Variants in ANHX observed in about 807,000 individuals in gnomAD.
The protein encoded by ANHX is anomalous homeobox, also known as anomalous homeobox protein.
ANHX carries 20 observed loss-of-function variants against 38.9 expected under a neutral mutation model. That is an observed-to-expected ratio of 0.51 (90% CI 0.36 to 0.75). The LOEUF is 0.75. Ranked by LOEUF, ANHX falls within the 30% of genes least tolerant of loss-of-function variation. ANHX has a pLI of 0.00. For missense variants in ANHX, 475 were observed against 493.1 expected (o/e 0.96, Z 0.35); for synonymous variants, 185 against 203.1 (o/e 0.91, Z 0.76).
In ANHX at chr12:133,226,630, G is replaced by A. The variant is rs533920238; in HGVS notation, c.719-192C>T. Among the ~76,000 whole-genome samples, 18 of 152,278 alleles carry A rather than the reference G, an allele frequency of 1.2e-4. No homozygotes were observed. In the South Asian group the frequency reaches 2.5e-3, roughly 21 times the overall value. Reference sequence around the variant, plus strand: ...GCCAACCCAGGACACCCCAAATCCCGGTGCTTGGTTCACTTCTCAAATTGA... The same window carrying A: ...GCCAACCCAGGACACCCCAAATCCCAGTGCTTGGTTCACTTCTCAAATTGA... On this transcript the variant is annotated intron_variant, in intron 5 of 9. Transcript: ENST00000545940.
intron 5 of ANHX, 44 bp from the exon 6 acceptor site, chr12:133,226,482 T>C (rs755513860): frequency 6.6e-7 from 1 of 1,505,664 alleles, no homozygotes; most frequent in Non-Finnish European, 8.9e-7. Flanking sequence ...GAGGCTCTGG[T>C]TCCCAACCTC....
chr12:133,218,925 G>C lies in ANHX; in HGVS notation c.1412C>G (p.Ala471Gly). 6.5e-7 allele frequency: 1 copy of C among 1,533,612 alleles called. No homozygotes were observed. The highest frequency in any genetic ancestry group is 2.5e-5 in the East Asian group (1 of 40,814). The change falls in exon 10 of 10, where the codon GCC becomes GGC. Residue 471 changes from alanine to glycine, a missense_variant. Transcript: ENST00000545940. Reference protein sequence around the residue: ...SQASGDAFWGARMLLEFSGSS... With the variant: ...SQASGDAFWGGRMLLEFSGSS... ...CCCTGAAAACTCAAGGAGCATCCTG[G>C]CTCCCCAGAAGGCATCACCAGAGGC...
intron 8 of ANHX, among the ~76,000 whole-genome samples, chr12:133,220,160 G>A (rs1486279286): frequency 6.6e-6 from 1 of 152,068 alleles, no homozygotes; most frequent in African/African-American, 2.4e-5. Context: ...GTGTGGATGT[G>A]AAAGTCACAC....
chr12:133,221,415 C>T lies in ANHX; in HGVS notation c.1133-63G>A, dbSNP rs1253260249. The T allele has an allele frequency of 1.8e-5, 27 of 1,476,138 alleles. No homozygotes were observed. The highest frequency in any genetic ancestry group is 2.4e-5 in the Non-Finnish European group (27 of 1,114,046). The allele number at this position is 1,476,138 out of a possible 1,614,324, so 91.4% of individuals were successfully genotyped here. On this transcript the variant is annotated intron_variant, in intron 7 of 9. Transcript: ENST00000545940. This position sits in a 1 kb window ranked among gnomAD's most constrained non-coding sequence, Gnocchi z 4.1. ...AAAGGAGCAGAGCCCACGTGTGACA[C>T]AACCAAGACCTCAAAGCACGGAGGC...
intron 1 of ANHX, chr12:133,235,360 T>C (rs1467342714): frequency 2.0e-5 from 3 of 152,190 alleles, no homozygotes; most frequent in African/African-American, 7.2e-5. Context: ...GTGGGGTACC[T>C]TGGCCTGTCC....
intron 7 of ANHX, among the ~76,000 whole-genome samples, chr12:133,224,772 T>C (rs1461174643): frequency 6.6e-6 from 1 of 150,752 alleles, no homozygotes; most frequent in East Asian, 1.9e-4. Flanking sequence ...AAGACCATCC[T>C]GGCTAACAGG....
chr12:133,219,205 C>T lies in ANHX; in HGVS notation c.1365+78G>A, dbSNP rs1453592722. Reference sequence around the variant, plus strand: ...GGTGTATTCACTCCAGTGGCACTAGCTGAACCCTCCTCAGCACCATGAGCT... The same window carrying T: ...GGTGTATTCACTCCAGTGGCACTAGTTGAACCCTCCTCAGCACCATGAGCT... On this transcript the variant is annotated intron_variant, in intron 9 of 9. Coordinates refer to ENST00000545940, the MANE Select transcript of ANHX (RefSeq NM_001372060.1). 2.2e-5 allele frequency: 30 copies of T among 1,333,472 alleles called. No homozygotes were observed. The East Asian group carries it at 2.8e-4, about 12-fold the overall frequency. The allele number at this position is 1,333,472 out of a possible 1,614,324, so 82.6% of individuals were successfully genotyped here.
At chr12:133,232,475 C>T (rs1214812359) in intron 2 of ANHX, among the ~76,000 whole-genome samples, 2 of 152,172 alleles carry the variant, frequency 1.3e-5, no homozygotes, top group African/African-American at 2.4e-5. Flanking sequence ...CCCCTCAGAG[C>T]CGACGGCTCT....
Position 133,221,228 on chromosome 12 carries a change from A to T in ANHX, c.1257T>A (p.Ala419=). ...SFLVTQPPLQ[A]PEFILTQSPP... Reference sequence around the variant, plus strand: ...ACCTCTGGGTGAGGATGAATTCAGGAGCTTGCAGTGGGGGCTGTGTCACCA... The same window carrying T: ...ACCTCTGGGTGAGGATGAATTCAGGTGCTTGCAGTGGGGGCTGTGTCACCA... Residue 419 remains alanine (A), a synonymous_variant, in exon 8 of 10, where the codon GCT becomes GCA. Transcript: ENST00000545940. The surrounding 1 kb of genome is among the most constrained non-coding windows in gnomAD (Gnocchi z 4.1). 1 of 1,535,952 alleles carries T rather than the reference A, an allele frequency of 6.5e-7. No individual in the cohort carries two copies. Among genetic ancestry groups the T allele is most frequent in the Non-Finnish European group, 8.7e-7 (1 of 1,146,882 alleles).
At chr12:133,229,674 C>T (rs1429259569) in intron 3 of ANHX, among the ~76,000 whole-genome samples, 1 of 152,192 alleles carries the variant, frequency 6.6e-6, no homozygotes, top group East Asian at 1.9e-4. Context: ...CTCCTGATCC[C>T]TGTATCTGCA....
At position 133,218,971 on chromosome 12, in the gene ANHX, C is replaced by A; in HGVS notation, c.1366G>T (p.Val456Leu). The A allele has an allele frequency of 6.5e-7, 1 of 1,533,376 alleles. No homozygotes were observed. The highest frequency in any genetic ancestry group is 8.7e-7 in the Non-Finnish European group (1 of 1,145,028). 95.0% of individuals were successfully genotyped at this position (1,533,376 alleles called of 1,614,324 possible). ...ELSQALPSSQ[V>L]QCSDSQASGD... The stretch of plus-strand genomic sequence containing the variant: ...GAGGCCTGGCTATCAGAACACTGCA[C>A]CTGGAAGACAACACAGTGGTAAACA... Residue 456 changes from valine (V) to leucine (L), a missense_variant and splice_region_variant, in exon 10 of 10, where the codon GTG (valine) becomes TTG (leucine). Coordinates refer to ENST00000545940, the MANE Select transcript of ANHX (RefSeq NM_001372060.1).
chr12:133,219,910 CAGAGAG>C (rs200992730), intron 8 of ANHX, among the ~76,000 whole-genome samples: 1 of 152,184 alleles, frequency 6.6e-6, no homozygotes, highest in Non-Finnish European at 1.5e-5. Flanking sequence ...CGTGGCTCCC[CAGAGAG>C]AGAAAGAACT....
chr12:133,218,986 A>T lies in ANHX; in HGVS notation c.1366-15T>A. ...GAACACTGCACCTGGAAGACAACACAGTGGTAAACACAGAGGCTTCCTTTC... is the reference window on the plus strand; with the variant it reads ...GAACACTGCACCTGGAAGACAACACTGTGGTAAACACAGAGGCTTCCTTTC... On this transcript the variant is annotated splice_polypyrimidine_tract_variant and intron_variant, in intron 9 of 9. Coordinates refer to ENST00000545940, the MANE Select transcript of ANHX (RefSeq NM_001372060.1). 6.5e-7 allele frequency: 1 copy of T among 1,528,362 alleles called. No individual in the cohort carries two copies. Among genetic ancestry groups the T allele is most frequent in the Non-Finnish European group, 8.8e-7 (1 of 1,141,240 alleles). The allele number at this position is 1,528,362 out of a possible 1,614,324, so 94.7% of individuals were successfully genotyped here. A position where few individuals can be genotyped will look rare whatever the true frequency, so the allele number is the denominator to read the frequency against.
In ANHX at chr12:133,227,921, G is replaced by A. The variant is rs1366018985; in HGVS notation, c.404C>T (p.Pro135Leu). ...GAAGTTCCGGCTCTTCAGCCCCTCT[G>A]GGCAGAGGGAGGGGGGCGGGGGGTT... ...KRNPPPPSLC[P>L]EGLKSRNFPR... Residue 135 changes from proline to leucine, a missense_variant, in exon 4 of 10, where the codon CCA becomes CTA. Coordinates refer to ENST00000545940, the MANE Select transcript of ANHX (RefSeq NM_001372060.1). 9.6e-7 allele frequency: 1 copy of A among 1,036,532 alleles called. No individual in the cohort carries two copies. The highest frequency in any genetic ancestry group is 1.3e-6 in the Non-Finnish European group (1 of 750,662). 64.2% of individuals were successfully genotyped at this position (1,036,532 alleles called of 1,614,324 possible).
At chr12:133,226,259 T>C in intron 6 of ANHX, 59 bp downstream of exon 6, 2 of 1,535,704 alleles carry the variant, frequency 1.3e-6, no homozygotes, top group Non-Finnish European at 8.7e-7. Context: ...AGTCTCCACC[T>C]GAGGAGGAAA....
In ANHX at chr12:133,226,767, T is replaced by A. The variant is rs370844689; in HGVS notation, c.718+169A>T. On this transcript the variant is annotated intron_variant, in intron 5 of 9. Transcript: ENST00000545940. Reference sequence around the variant, plus strand: ...GGGCAGCCACAGCCCAGCCTGGGCATCTTGAGCCTCAGACCTCGGACCCTG... The same window carrying A: ...GGGCAGCCACAGCCCAGCCTGGGCAACTTGAGCCTCAGACCTCGGACCCTG... 2.8e-4 allele frequency among the ~76,000 whole-genome samples: 43 copies of A among 152,132 alleles called. No homozygotes were observed. In the East Asian group the frequency reaches 3.5e-3, roughly 12 times the overall value.
At chr12:133,233,311 A>G (rs146257628) in intron 2 of ANHX, among the ~76,000 whole-genome samples, 10,758 of 152,196 alleles carry the variant, frequency 0.071, 1,264 homozygotes, top group African/African-American at 0.25. Flanking sequence ...GGTGGAGGGG[A>G]CAGGAGGACA....
chr12:133,228,222 C>T (rs929010208), intron 3 of ANHX, among the ~76,000 whole-genome samples: 6 of 152,084 alleles, frequency 3.9e-5, no homozygotes, highest in African/African-American at 9.7e-5. Flanking sequence ...CATGGAGCCC[C>T]GATGGATGGC....
chr12:133,226,939 ACCACTGAGGCCTGT>A lies in ANHX; in HGVS notation c.701_714del (p.Asp234ValfsTer5), dbSNP rs1319124040. On this transcript the variant is annotated frameshift_variant, in exon 5 of 10. Transcript: ENST00000545940. LOFTEE classifies it high-confidence loss of function. ...CTGGGGCCCTCAGGCCACTCACCTG[ACCACTGAGGCCTGT>A]CCACAAACCCAGAGTCAACACGGGG... 1 of 1,521,528 alleles carries A rather than the reference ACCACTGAGGCCTGT, an allele frequency of 6.6e-7. No individual in the cohort carries two copies. Among genetic ancestry groups the A allele is most frequent in the Non-Finnish European group, 8.8e-7 (1 of 1,138,844 alleles). 94.3% of individuals were successfully genotyped at this position (1,521,528 alleles called of 1,614,324 possible). A position where few individuals can be genotyped will look rare whatever the true frequency, so the allele number is the denominator to read the frequency against.
Sources: allele counts gnomAD v4.1 joint callset (sites outside exome capture counted in the v4.1 genomes callset), GRCh38; gene constraint gnomAD v4.1.1; non-coding constraint Gnocchi (gnomAD v3.1); transcripts MANE v1.5; gene names NCBI Gene and HGNC (gene_info 2026-07-23, HGNC 2026-07-21).